The following OR9Q1 variants were observed in gnomAD, a reference collection of about 807,000 sequenced individuals.
The protein encoded by OR9Q1 is olfactory receptor family 9 subfamily Q member 1, also known as olfactory receptor 9Q1.
For missense variants in OR9Q1, 374 were observed against 378.8 expected, an observed-to-expected ratio of 0.99 and a Z score of 0.11; for synonymous variants, 153 against 148.6, an observed-to-expected ratio of 1.03 and a Z score of -0.22.
intron 1 of OR9Q1, chr11:58,031,201 G>A: frequency 1.2e-6 from 2 of 1,614,146 alleles, no homozygotes; most frequent in Non-Finnish European, 1.7e-6. Flanking sequence ...TGCCCAAGAT[G>A]CTGGCTGGTT....
intron 2 of OR9Q1, among the ~76,000 whole-genome samples, chr11:58,105,433 C>A (rs1476266203): frequency 6.6e-6 from 1 of 152,058 alleles, no homozygotes; most frequent in Non-Finnish European, 1.5e-5. Flanking sequence ...CGACCAAAAT[C>A]AAAATAACAA....
At chr11:58,124,415 T>A (rs953580993) in intron 2 of OR9Q1, 1 of 152,182 alleles carries the variant, frequency 6.6e-6, no homozygotes, top group Non-Finnish European at 1.5e-5. Flanking sequence ...ACAGAAGAGA[T>A]GGTCCCTAAC....
chr11:58,119,030 TG>T (rs749304441), intron 2 of OR9Q1: 1 of 1,613,934 alleles, frequency 6.2e-7, no homozygotes, highest in Admixed American at 1.7e-5. Flanking sequence ...CAGCAGAGCC[TG>T]GGATTCATGG....
chr11:58,118,951 G>T (rs992587413), intron 2 of OR9Q1: 1 of 1,613,984 alleles, frequency 6.2e-7, no homozygotes, highest in Admixed American at 1.7e-5. Flanking sequence ...GAAGGAGAGG[G>T]TGAAGGTGCA....
chr11:58,177,734 A>C (rs1028181246), intron 2 of OR9Q1, among the ~76,000 whole-genome samples: 1 of 152,250 alleles, frequency 6.6e-6, no homozygotes, highest in African/African-American at 2.4e-5. Flanking sequence ...CACAAAAATA[A>C]AAGTAATTCA....
rs1248921711 is a variant in OR9Q1, at chr11:58,137,925, C to A, written c.-14-41506C>A. Among the ~76,000 whole-genome samples the A allele has an allele frequency of 5.3e-5, 8 of 152,154 alleles. No homozygotes were observed. In the South Asian group the frequency reaches 8.3e-4, roughly 16 times the overall value. On this transcript the variant is annotated intron_variant, in intron 2 of 2. Coordinates refer to ENST00000335397, the MANE Select transcript of OR9Q1 (RefSeq NM_001005212.4). ...GATACTCTTTTCCTCTGTCATTAGA[C>A]TTTTAAGAGCAGAAGAGAGACCATT...
At chr11:58,116,902 C>A (rs1853960751) in intron 2 of OR9Q1, 1 of 152,198 alleles carries the variant, frequency 6.6e-6, no homozygotes, top group African/African-American at 2.4e-5. Flanking sequence ...TATTCACTTA[C>A]AAATACATCC....
chr11:58,127,272 A>G (rs1854099318), intron 2 of OR9Q1, among the ~76,000 whole-genome samples: 2 of 152,024 alleles, frequency 1.3e-5, no homozygotes, highest in African/African-American at 2.4e-5. Flanking sequence ...TTCTGTTTGG[A>G]CTTTTGGGAA....
chr11:58,079,529 A>G (rs534992717), intron 2 of OR9Q1, among the ~76,000 whole-genome samples: 21 of 152,302 alleles, frequency 1.4e-4, no homozygotes, highest in African/African-American at 4.6e-4. Context: ...CGAAAGACTG[A>G]ATTTATCTCT....
intron 2 of OR9Q1, among the ~76,000 whole-genome samples, chr11:58,108,427 C>A (rs150957503): frequency 1.3e-5 from 2 of 152,242 alleles, no homozygotes; most frequent in East Asian, 3.9e-4. Context: ...TCGCTTATGA[C>A]TATGCTACTT....
intron 2 of OR9Q1, among the ~76,000 whole-genome samples, chr11:58,058,578 T>C (rs546536720): frequency 1.3e-5 from 2 of 152,204 alleles, no homozygotes; most frequent in South Asian, 4.2e-4. Context: ...AAGATCCACA[T>C]CCTCCCATTC....
intron 2 of OR9Q1, among the ~76,000 whole-genome samples, chr11:58,114,984 C>A (rs1853937274): frequency 6.6e-6 from 1 of 152,120 alleles, no homozygotes; most frequent in Non-Finnish European, 1.5e-5. Context: ...CTTGCCTGTC[C>A]ACATGGCTTA....
intron 1 of OR9Q1, among the ~76,000 whole-genome samples, chr11:58,043,769 C>T (rs988148726): frequency 5.3e-5 from 8 of 152,172 alleles, no homozygotes; most frequent in Admixed American, 5.2e-4. Context: ...GCTTTCACAG[C>T]TCGATGCTTG....
At chr11:58,151,396 A>G (rs1292155701) in intron 2 of OR9Q1, among the ~76,000 whole-genome samples, 1 of 152,144 alleles carries the variant, frequency 6.6e-6, no homozygotes, top group East Asian at 1.9e-4. Flanking sequence ...CTGTGTCTTA[A>G]TGTTGCTTTT....
chr11:58,086,456 C>T (rs1853634870), intron 2 of OR9Q1, among the ~76,000 whole-genome samples: 1 of 151,704 alleles, frequency 6.6e-6, no homozygotes, highest in Non-Finnish European at 1.5e-5. Flanking sequence ...AGAAGTTTCT[C>T]AGAAAATGAA....
chr11:58,174,443 T>C (rs1854585275), intron 2 of OR9Q1, among the ~76,000 whole-genome samples: 1 of 152,052 alleles, frequency 6.6e-6, no homozygotes, highest in Non-Finnish European at 1.5e-5. Context: ...TGCTACAACC[T>C]GGGGTGCTTA....
At chr11:58,174,139 T>C (rs1854581106) in intron 2 of OR9Q1, among the ~76,000 whole-genome samples, 1 of 152,172 alleles carries the variant, frequency 6.6e-6, no homozygotes, top group Non-Finnish European at 1.5e-5. Flanking sequence ...TGCTCAGGGA[T>C]GTTGAGCTTG....
At position 58,179,630 on chromosome 11, in the gene OR9Q1, T is replaced by C. The variant is rs750260249; in HGVS notation, c.186T>C (p.Leu62=). The C allele has an allele frequency of 1.2e-5, 20 of 1,613,188 alleles. No individual in the cohort carries two copies. The highest frequency in any genetic ancestry group is 1.6e-5 in the Non-Finnish European group (19 of 1,179,336). The part of the protein sequence containing the change: ...DHQLHAPMYF[L]LSHLAFMDVC... ...AGCTCCACGCTCCAATGTATTTCCTTCTGAGTCACCTCGCTTTCATGGACG... is the reference window on the plus strand; with the variant it reads ...AGCTCCACGCTCCAATGTATTTCCTCCTGAGTCACCTCGCTTTCATGGACG... The change falls in exon 3 of 3, where the codon CTT becomes CTC. Residue 62 remains leucine (L), a synonymous_variant. Transcript: ENST00000335397.
chr11:58,082,697 GTAAC>G (rs1853599439), intron 2 of OR9Q1, among the ~76,000 whole-genome samples: 1 of 145,314 alleles, frequency 6.9e-6, no homozygotes, highest in Non-Finnish European at 1.5e-5. Context: ...GTATGCATAT[GTAAC>G]TAACCTGCAC....
Sources: allele counts gnomAD v4.1 joint callset (sites outside exome capture counted in the v4.1 genomes callset), GRCh38; gene constraint gnomAD v4.1.1; transcripts MANE v1.5; gene names NCBI Gene and HGNC (gene_info 2026-07-23, HGNC 2026-07-21).